Variants in ACVR2A observed in about 807,000 individuals in gnomAD.
The protein encoded by ACVR2A is activin receptor type-2A.
In ACVR2A, 7 loss-of-function variants were observed where a neutral mutation model predicts 61.4. The observed-to-expected ratio is 0.11, with a 90% CI of 0.06 to 0.21. The LOEUF is 0.21. ACVR2A is among the 10% of genes least tolerant of loss of function. The probability of loss-of-function intolerance (pLI) is 1.00; values close to 1 mark genes in which losing one functional copy is unlikely to be tolerated. For missense variants in ACVR2A, 322 were observed against 621.7 expected, an observed-to-expected ratio of 0.52 and a Z score of 5.13; for synonymous variants, 193 against 208.3, an observed-to-expected ratio of 0.93 and a Z score of 0.63.
chr2:147,904,736 T>G (rs1227307), intron 4 of ACVR2A, among the ~76,000 whole-genome samples: 265 of 152,144 alleles, frequency 1.7e-3, no homozygotes, highest in African/African-American at 6.2e-3. Flanking sequence ...TTTGTAGGAT[T>G]TTCTTCTTGA....
chr2:147,909,823 G>A (rs1687072652), intron 4 of ACVR2A, among the ~76,000 whole-genome samples: 2 of 151,914 alleles, frequency 1.3e-5, no homozygotes, highest in South Asian at 2.1e-4. Context: ...AAATTTTTTT[G>A]TAGAGAAGGG....
intron 1 of ACVR2A, among the ~76,000 whole-genome samples, chr2:147,861,179 G>T (rs984424135): frequency 6.6e-6 from 1 of 152,172 alleles, no homozygotes; most frequent in Non-Finnish European, 1.5e-5. Flanking sequence ...TTACCCACCA[G>T]TGTCAAGCTC....
At chr2:147,888,353 C>T (rs758289631) in intron 1 of ACVR2A, among the ~76,000 whole-genome samples, 29 of 152,122 alleles carry the variant, frequency 1.9e-4, no homozygotes, top group Non-Finnish European at 3.2e-4. Context: ...TGCATTACAC[C>T]TATCCATCAA....
At chr2:147,844,999 C>CTTTTTTTTTTT (rs1558955614), upstream of ACVR2A, 1 of 127,496 alleles carries the variant, frequency 7.8e-6, no homozygotes, top group Non-Finnish European at 1.2e-5. Context: ...ACCCAGTGAG[C>CTTTTTTTTTTT]GTTTTTTTTT....
In ACVR2A at chr2:147,899,657, C is replaced by G. The variant is rs1345222720; in HGVS notation, c.374-87C>G. ...TTGATGGAATAATTTGCCCCTACCTCTTCCCCAAAATTTGAGACTATGACA... is the reference window on the plus strand; with the variant it reads ...TTGATGGAATAATTTGCCCCTACCTGTTCCCCAAAATTTGAGACTATGACA... On this transcript the variant is annotated intron_variant, in intron 3 of 10. Transcript: ENST00000241416. 2.5e-6 allele frequency: 4 copies of G among 1,586,406 alleles called. No homozygotes were observed. In the African/African-American group the frequency reaches 5.4e-5, roughly 21 times the overall value.
At chr2:147,909,837 TC>T (rs1190950724) in intron 4 of ACVR2A, among the ~76,000 whole-genome samples, 1 of 152,032 alleles carries the variant, frequency 6.6e-6, no homozygotes, top group East Asian at 1.9e-4. Context: ...AGAAGGGATC[TC>T]CCTGTGTTGC....
upstream of ACVR2A, chr2:147,845,000 GTTTTTTTTTTTTT>G (rs368783685): frequency 2.0e-4 from 22 of 109,432 alleles, no homozygotes; most frequent in Admixed American, 1.2e-3. Context: ...CCCAGTGAGC[GTTTTTTTTTTTTT>G]TTTTTTTTTT....
chr2:147,873,342 G>A (rs1190409503), intron 1 of ACVR2A, among the ~76,000 whole-genome samples: 1 of 151,968 alleles, frequency 6.6e-6, no homozygotes, highest in Non-Finnish European at 1.5e-5. Context: ...TTATTCAACA[G>A]TATATTCAGA....
At chr2:147,920,425 G>A in intron 8 of ACVR2A, 81 bp downstream of exon 8, 1 of 1,053,222 alleles carries the variant, frequency 9.5e-7, no homozygotes, top group Non-Finnish European at 1.4e-6. Context: ...GACTGAATTA[G>A]TCTAAAATTG....
rs890050098 is a variant in ACVR2A, at chr2:147,869,969, C to T, written c.55+24762C>T. Among the ~76,000 whole-genome samples, 70 of 151,266 alleles carry T rather than the reference C, an allele frequency of 4.6e-4. 1 individual carries two copies. Among genetic ancestry groups the T allele is most frequent in the Non-Finnish European group, 1.6e-4 (11 of 67,894 alleles). On this transcript the variant is annotated intron_variant, in intron 1 of 10. Transcript: ENST00000241416. ...CTGGGTTGGGAGGGTCAATTATTGC[C>T]AGGTTATTTATGTAGGTCCTTGAAT...
chr2:147,921,850 G>A (rs752668071), intron 8 of ACVR2A, among the ~76,000 whole-genome samples: 1 of 152,042 alleles, frequency 6.6e-6, no homozygotes, highest in Non-Finnish European at 1.5e-5. Context: ...TTTATGATTA[G>A]TTAAAAATTA....
Position 147,928,843 on chromosome 2 carries a change from CCAAT to C in ACVR2A, c.*1574_*1577del, listed in dbSNP as rs766083265. 6.6e-6 allele frequency: 1 copy of C among 152,296 alleles called. No individual in the cohort carries two copies. The highest frequency in any genetic ancestry group is 2.1e-4 in the South Asian group (1 of 4,826). 9.4% of individuals were successfully genotyped at this position (152,296 alleles called of 1,614,324 possible). A position where few individuals can be genotyped will look rare whatever the true frequency, so the allele number is the denominator to read the frequency against. On this transcript the variant is annotated 3_prime_UTR_variant, in exon 11 of 11. Coordinates refer to ENST00000241416, the MANE Select transcript of ACVR2A (RefSeq NM_001616.5). Reference sequence around the variant, plus strand: ...ATTAATTTTCTGAATTTCCAGATTACCAATCAATTAATCAACAAATAGCCAGTAT... The same window carrying C: ...ATTAATTTTCTGAATTTCCAGATTACCAATTAATCAACAAATAGCCAGTAT...
intron 5 of ACVR2A, among the ~76,000 whole-genome samples, chr2:147,916,775 T>C (rs1324812409): frequency 6.6e-6 from 1 of 152,016 alleles, no homozygotes; most frequent in African/African-American, 2.4e-5. Context: ...ATTATTGCAT[T>C]GCATATCTTT....
intron 6 of ACVR2A, 21 bp from the exon 7 acceptor site, chr2:147,918,426 T>C (rs1393233670): frequency 6.3e-7 from 1 of 1,591,298 alleles, no homozygotes; most frequent in Non-Finnish European, 8.5e-7. Context: ...CATAAGTTTC[T>C]TTTTTTCCCT....
At position 147,881,601 on chromosome 2, in the gene ACVR2A, T is replaced by G. The variant is rs1388497004; in HGVS notation, c.56-14700T>G. On this transcript the variant is annotated intron_variant, in intron 1 of 10. Transcript: ENST00000241416. The stretch of plus-strand genomic sequence containing the variant: ...TTTTTTCTCCTCTCAAGAAGCTGCT[T>G]AGTGTGTGTGTGTGTGTGTGTGTGT... Among the ~76,000 whole-genome samples the G allele has an allele frequency of 4.0e-4, 32 of 79,164 alleles. No homozygotes were observed. In the East Asian group the frequency reaches 7.5e-3, roughly 19 times the overall value. 51.9% of individuals were successfully genotyped at this position (79,164 alleles called of 152,430 possible).
chr2:147,916,523 A>G (rs1687253077), intron 5 of ACVR2A, among the ~76,000 whole-genome samples: 1 of 151,908 alleles, frequency 6.6e-6, no homozygotes, highest in South Asian at 2.1e-4. Flanking sequence ...AGACACTACA[A>G]TGCCTTTTCT....
Position 147,881,602 on chromosome 2 carries a change from A to AGTGTGTGT in ACVR2A, c.56-14666_56-14659dup, listed in dbSNP as rs145075375. On this transcript the variant is annotated intron_variant, in intron 1 of 10. Coordinates refer to ENST00000241416, the MANE Select transcript of ACVR2A (RefSeq NM_001616.5). ...TTTTTCTCCTCTCAAGAAGCTGCTTAGTGTGTGTGTGTGTGTGTGTGTGTG... is the reference window on the plus strand; with the variant it reads ...TTTTTCTCCTCTCAAGAAGCTGCTTAGTGTGTGTGTGTGTGTGTGTGTGTGTGTGTGTG... Among the ~76,000 whole-genome samples the AGTGTGTGT allele has an allele frequency of 4.0e-3, 325 of 81,470 alleles. 7 individuals are homozygous for AGTGTGTGT. The highest frequency in any genetic ancestry group is 5.0e-3 in the Admixed American group (33 of 6,646). The allele number at this position is 81,470 out of a possible 152,430, so 53.4% of individuals were successfully genotyped here.
intron 4 of ACVR2A, among the ~76,000 whole-genome samples, chr2:147,900,910 TAACAC>T (rs1686857076): frequency 6.6e-6 from 1 of 152,076 alleles, no homozygotes; most frequent in Non-Finnish European, 1.5e-5. Flanking sequence ...TTTATTTATA[TAACAC>T]ATTTATTTCT....
chr2:147,854,040 T>G (rs1266427004), intron 1 of ACVR2A, among the ~76,000 whole-genome samples: 1 of 152,156 alleles, frequency 6.6e-6, no homozygotes, highest in African/African-American at 2.4e-5. Context: ...TATCTTTAAG[T>G]CCCATTTAAA....
Sources: allele counts gnomAD v4.1 joint callset (sites outside exome capture counted in the v4.1 genomes callset), GRCh38; gene constraint gnomAD v4.1.1; transcripts MANE v1.5; gene names NCBI Gene and HGNC (gene_info 2026-07-23, HGNC 2026-07-21).